SHROOM3: variants seen among roughly 807,000 people sequenced by gnomAD.
SHROOM3 encodes the protein shroom family member 3.
SHROOM3 carries 47 observed loss-of-function variants against 138.6 expected under a neutral mutation model. The ratio of observed to expected loss-of-function variants is 0.34; its 90% CI spans 0.27 to 0.43. SHROOM3 has a LOEUF of 0.43. Among genes scored for constraint, SHROOM3 ranks in the 20% least tolerant of loss-of-function variants. The probability of loss-of-function intolerance (pLI) is 1.00; values close to 1 mark genes in which losing one functional copy is unlikely to be tolerated. For synonymous variants in SHROOM3, 1,062 were observed against 1,063.3 expected (o/e 1.00, Z 0.02); for missense variants, 2,491 against 2,596.5 (o/e 0.96, Z 0.88).
intron 2 of SHROOM3, among the ~76,000 whole-genome samples, chr4:76,676,177 C>G (rs1719020798): frequency 6.6e-6 from 1 of 151,836 alleles, no homozygotes; most frequent in South Asian, 2.1e-4. Context: ...AAATTTGGTT[C>G]ATAAATTCAG....
intron 2 of SHROOM3, among the ~76,000 whole-genome samples, chr4:76,693,393 T>TTTTTTTTTTG (rs60196776): frequency 6.8e-6 from 1 of 147,120 alleles, no homozygotes; most frequent in African/African-American, 2.5e-5. Context: ...TTTTTTTTTT[T>TTTTTTTTTTG]AAAGCAACAA....
At chr4:76,554,553 G>A (rs1311365734) in intron 1 of SHROOM3, among the ~76,000 whole-genome samples, 2 of 151,624 alleles carry the variant, frequency 1.3e-5, no homozygotes, top group African/African-American at 4.8e-5. Context: ...CTGAGTAGCT[G>A]GGACTACAGG....
rs751098044 is a variant in SHROOM3, at chr4:76,756,787, C to G, written c.5048C>G (p.Ala1683Gly). 1.2e-6 allele frequency: 2 copies of G among 1,614,162 alleles called. No homozygotes were observed. Among genetic ancestry groups the G allele is most frequent in the Non-Finnish European group, 1.7e-6 (2 of 1,180,032 alleles). ...KEIVHQDKSL[A>G]DILDPDSRLK... ...ATTGTCCACCAAGACAAATCTCTAG[C>G]AGACATTTTGGATCCAGACTCCAGG... Residue 1683 changes from alanine to glycine, a missense_variant, in exon 8 of 11, where the codon GCA (alanine) becomes GGA (glycine). Physicochemically the swap from Ala to Gly is moderately conservative, Grantham distance 60 (BLOSUM62 0). Coordinates refer to ENST00000296043, the MANE Select transcript of SHROOM3 (RefSeq NM_020859.4).
At chr4:76,511,701 A>G (rs1418264141) in intron 1 of SHROOM3, among the ~76,000 whole-genome samples, 1 of 152,240 alleles carries the variant, frequency 6.6e-6, no homozygotes, top group East Asian at 1.9e-4. Flanking sequence ...AAAATTTCAA[A>G]TAAAACACCC....
intron 2 of SHROOM3, among the ~76,000 whole-genome samples, chr4:76,598,292 C>T (rs942305019): frequency 6.6e-6 from 1 of 152,104 alleles, no homozygotes; most frequent in Non-Finnish European, 1.5e-5. Context: ...TCCGAAAGTC[C>T]TGGGATTACA....
At chr4:76,660,458 C>T (rs1481257448) in intron 2 of SHROOM3, among the ~76,000 whole-genome samples, 6 of 152,008 alleles carry the variant, frequency 3.9e-5, no homozygotes, top group Non-Finnish European at 7.4e-5. Flanking sequence ...ATATTGGTTG[C>T]ATTATTTTTT....
At chr4:76,546,757 A>G (rs1042415851) in intron 1 of SHROOM3, among the ~76,000 whole-genome samples, 7 of 152,220 alleles carry the variant, frequency 4.6e-5, no homozygotes, top group Non-Finnish European at 1.0e-4. Flanking sequence ...CAACTTCACA[A>G]AACAGCAAAT....
At chr4:76,669,513 C>T (rs1156634260) in intron 2 of SHROOM3, among the ~76,000 whole-genome samples, 1 of 151,490 alleles carries the variant, frequency 6.6e-6, no homozygotes, top group Admixed American at 6.6e-5. Flanking sequence ...ACTCGGGAGG[C>T]TGAGGTGGGA....
At chr4:76,650,002 C>T (rs1735917575) in intron 2 of SHROOM3, among the ~76,000 whole-genome samples, 1 of 152,174 alleles carries the variant, frequency 6.6e-6, no homozygotes, top group Non-Finnish European at 1.5e-5. Context: ...TCCTGGCTCG[C>T]AGGTGGCTTC....
At chr4:76,495,389 G>A in intron 1 of SHROOM3, among the ~76,000 whole-genome samples, 1 of 152,216 alleles carries the variant, frequency 6.6e-6, no homozygotes, top group East Asian at 1.9e-4. Context: ...ACCAATGACT[G>A]ATCAATAAGA....
intron 2 of SHROOM3, 37 bp from the exon 3 acceptor site, chr4:76,710,119 C>T: frequency 6.2e-7 from 1 of 1,613,224 alleles, no homozygotes; most frequent in Non-Finnish European, 8.5e-7. Flanking sequence ...CCATGAACAC[C>T]ATCATGCTCA....
chr4:76,654,733 T>C (rs190183494), intron 2 of SHROOM3, among the ~76,000 whole-genome samples: 1 of 152,232 alleles, frequency 6.6e-6, no homozygotes, highest in East Asian at 1.9e-4. Flanking sequence ...GGGGGAGGGT[T>C]CAAGGATGAT....
intron 2 of SHROOM3, among the ~76,000 whole-genome samples, chr4:76,618,013 A>G (rs1734919076): frequency 6.6e-6 from 1 of 152,260 alleles, no homozygotes; most frequent in South Asian, 2.1e-4. Flanking sequence ...CATGAATATA[A>G]GTGTGGCTGG....
At chr4:76,643,204 G>T (rs1735722424) in intron 2 of SHROOM3, among the ~76,000 whole-genome samples, 1 of 102,850 alleles carries the variant, frequency 9.7e-6, no homozygotes, top group Non-Finnish European at 2.1e-5. Context: ...TTTTTGAGAT[G>T]CTGTCTCAAA....
intron 2 of SHROOM3, among the ~76,000 whole-genome samples, chr4:76,572,336 C>T (rs548137316): frequency 7.9e-5 from 12 of 152,176 alleles, no homozygotes; most frequent in South Asian, 6.2e-4. Context: ...AACTGTATAC[C>T]GTGATAGGTG....
At chr4:76,488,849 G>A (rs980562663) in intron 1 of SHROOM3, among the ~76,000 whole-genome samples, 1 of 120,220 alleles carries the variant, frequency 8.3e-6, no homozygotes. Context: ...ATCCTATGAG[G>A]TCAAAACTTG....
chr4:76,594,503 A>C (rs1734341350), intron 2 of SHROOM3, among the ~76,000 whole-genome samples: 1 of 152,264 alleles, frequency 6.6e-6, no homozygotes, highest in Non-Finnish European at 1.5e-5. Context: ...TCACTTACAT[A>C]AAAACTTTAA....
intron 10 of SHROOM3, among the ~76,000 whole-genome samples, chr4:76,776,307 A>AT (rs1268344480): frequency 1.3e-5 from 2 of 151,458 alleles, no homozygotes; most frequent in South Asian, 2.1e-4. Context: ...TTTTGATGGG[A>AT]TTTTTTCTTG....
intron 1 of SHROOM3, among the ~76,000 whole-genome samples, chr4:76,443,657 A>G (rs1489898215): frequency 2.6e-5 from 4 of 152,288 alleles, no homozygotes; most frequent in Middle Eastern, 3.4e-3. Flanking sequence ...AAGATTCTCT[A>G]CTAAATCTAA....
Sources: gnomAD v4.1 joint callset for allele counts (sites outside exome capture counted in the v4.1 genomes callset) on GRCh38, gnomAD v4.1.1 for gene constraint, MANE v1.5 for transcripts, NCBI Gene and HGNC (gene_info 2026-07-23, HGNC 2026-07-21) for gene names.